The following RARB variants were observed in gnomAD, a reference collection of about 807,000 sequenced individuals.
RARB encodes the protein HBV-activated protein.
In RARB, 17 loss-of-function variants were observed where a neutral mutation model predicts 51.9. The observed-to-expected ratio is 0.33, with a 90% CI of 0.22 to 0.49. The LOEUF (loss-of-function observed/expected upper bound fraction) is 0.49, where lower values mean the gene tolerates loss of function less well. Ranked by LOEUF, RARB falls within the 20% of genes least tolerant of loss-of-function variation. The pLI, the probability that RARB is intolerant of heterozygous loss-of-function variation, is 0.99. For synonymous variants in RARB, 215 were observed against 195.4 expected, an observed-to-expected ratio of 1.10 and a Z score of -0.84; for missense variants, 369 against 550.8, an observed-to-expected ratio of 0.67 and a Z score of 3.30.
chr3:25,584,926 C>T (rs775175412), intron 5 of RARB, among the ~76,000 whole-genome samples: 55 of 152,130 alleles, frequency 3.6e-4, no homozygotes, highest in Non-Finnish European at 6.8e-4. Flanking sequence ...CTACTTTTGC[C>T]ACAGTATTTA....
chr3:25,148,635 T>C (rs1267382453), intron 4 of RARB, among the ~76,000 whole-genome samples: 1 of 152,216 alleles, frequency 6.6e-6, no homozygotes, highest in African/African-American at 2.4e-5. Context: ...ACTGTATTAT[T>C]AAAGGTTCCT....
chr3:25,068,340 T>C (rs908151194), intron 3 of RARB, among the ~76,000 whole-genome samples: 2 of 151,842 alleles, frequency 1.3e-5, no homozygotes, highest in African/African-American at 2.4e-5. Flanking sequence ...TCTCAGTTTG[T>C]AGAAGACACA....
At chr3:24,838,734 G>A (rs1702378208) in intron 1 of RARB, among the ~76,000 whole-genome samples, 1 of 152,172 alleles carries the variant, frequency 6.6e-6, no homozygotes, top group African/African-American at 2.4e-5. Flanking sequence ...TCAGGAGTCA[G>A]GAGTCAAGAA....
chr3:25,392,146 G>T (rs974129224), intron 5 of RARB, among the ~76,000 whole-genome samples: 1 of 152,086 alleles, frequency 6.6e-6, no homozygotes, highest in African/African-American at 2.4e-5. Flanking sequence ...GATGAATAGG[G>T]TGTCCTTTCC....
chr3:25,054,530 C>A (rs1169255443), intron 2 of RARB, among the ~76,000 whole-genome samples: 1 of 152,132 alleles, frequency 6.6e-6, no homozygotes, highest in African/African-American at 2.4e-5. Flanking sequence ...AGGCAGAAAG[C>A]TACTTCAGAC....
At chr3:25,386,530 GGTT>G (rs1706799194) in intron 5 of RARB, among the ~76,000 whole-genome samples, 2 of 152,214 alleles carry the variant, frequency 1.3e-5, no homozygotes, top group East Asian at 3.8e-4. Flanking sequence ...CTACTCGAGA[GGTT>G]GTTAAAAGCA....
At chr3:24,953,152 G>T (rs919486145) in intron 2 of RARB, among the ~76,000 whole-genome samples, 1 of 151,984 alleles carries the variant, frequency 6.6e-6, no homozygotes, top group Non-Finnish European at 1.5e-5. Context: ...TCATGGACAG[G>T]GTTTCATGAA....
intron 3 of RARB, among the ~76,000 whole-genome samples, chr3:25,513,603 ATG>A (rs1269995018): frequency 6.6e-6 from 1 of 150,864 alleles, no homozygotes; most frequent in African/African-American, 2.5e-5. Context: ...TCCATGGTGG[ATG>A]TAAACAGATT....
chr3:25,033,765 T>A (rs1697925669), intron 2 of RARB, among the ~76,000 whole-genome samples: 1 of 152,126 alleles, frequency 6.6e-6, no homozygotes, highest in African/African-American at 2.4e-5. Flanking sequence ...GGGAAGGGGA[T>A]TCTTGGAAAC....
intron 2 of RARB, among the ~76,000 whole-genome samples, chr3:24,901,114 T>A (rs2068192): frequency 0.23 from 34,813 of 152,078 alleles, 4,515 homozygotes; most frequent in African/African-American, 0.36. Context: ...ATAAAAAGCT[T>A]GGAGTAAATT....
intron 2 of RARB, among the ~76,000 whole-genome samples, chr3:25,003,498 A>G (rs1236858082): frequency 1.3e-5 from 2 of 152,162 alleles, no homozygotes; most frequent in Non-Finnish European, 1.5e-5. Context: ...TTTTGTCAGC[A>G]CTGTGATATT....
intron 2 of RARB, among the ~76,000 whole-genome samples, chr3:24,950,291 A>G (rs935992755): frequency 6.6e-6 from 1 of 152,174 alleles, no homozygotes; most frequent in South Asian, 2.1e-4. Context: ...AAAATGCCCT[A>G]TTTTGTATTT....
At chr3:25,573,870 T>C in intron 4 of RARB, among the ~76,000 whole-genome samples, 1 of 152,036 alleles carries the variant, frequency 6.6e-6, no homozygotes, top group Admixed American at 6.5e-5. Flanking sequence ...CTAATTAGGG[T>C]GGATTTGGGA....
chr3:25,034,266 C>T (rs1364567692), intron 2 of RARB, among the ~76,000 whole-genome samples: 2 of 152,156 alleles, frequency 1.3e-5, no homozygotes, highest in African/African-American at 2.4e-5. Flanking sequence ...GTCAAGATCG[C>T]ACCACTGCAC....
chr3:25,031,814 T>C (rs114040429), intron 2 of RARB, among the ~76,000 whole-genome samples: 1 of 152,202 alleles, frequency 6.6e-6, no homozygotes, highest in Non-Finnish European at 1.5e-5. Flanking sequence ...CATATACTTA[T>C]CCCAACCAGT....
rs548312913 is a variant in RARB at position 24,946,023 on chromosome 3, T to A, written c.-380+87271T>A. 1.1e-4 allele frequency among the ~76,000 whole-genome samples: 17 copies of A among 152,260 alleles called. No individual in the cohort carries two copies. The East Asian group carries it at 3.1e-3, about 28-fold the overall frequency. ...GCTCACGCCTGTAATCGCAGCACTT[T>A]GGGAGGCCGAGGCAGGCAGATCACG... On this transcript the variant is annotated intron_variant, in intron 2 of 11. Transcript: ENST00000383772.
intron 4 of RARB, among the ~76,000 whole-genome samples, chr3:25,146,430 A>G (rs1700191140): frequency 6.6e-6 from 1 of 152,128 alleles, no homozygotes; most frequent in Non-Finnish European, 1.5e-5. Flanking sequence ...ATATCCCAAT[A>G]AAAATTAATT....
chr3:24,984,369 G>C (rs1696742095), intron 2 of RARB, among the ~76,000 whole-genome samples: 1 of 152,194 alleles, frequency 6.6e-6, no homozygotes, highest in African/African-American at 2.4e-5. Flanking sequence ...ATACCAGTGA[G>C]AAGCACTGTG....
intron 4 of RARB, among the ~76,000 whole-genome samples, chr3:25,140,323 A>G (rs1700089832): frequency 1.3e-5 from 2 of 152,204 alleles, no homozygotes; most frequent in Non-Finnish European, 2.9e-5. Flanking sequence ...GAGGAAGTCA[A>G]AATACCCACA....
Sources: gnomAD v4.1 joint callset for allele counts (sites outside exome capture counted in the v4.1 genomes callset) on GRCh38, gnomAD v4.1.1 for gene constraint, MANE v1.5 for transcripts, NCBI Gene and HGNC (gene_info 2026-07-23, HGNC 2026-07-21) for gene names.